AUTS2: variants seen among roughly 807,000 people sequenced by gnomAD.
AUTS2 encodes the protein autism susceptibility gene 2 protein.
A neutral mutation model predicts 112.4 loss-of-function variants in AUTS2; 17 were observed. That is an observed-to-expected ratio of 0.15 (90% confidence interval 0.10 to 0.23). The LOEUF (loss-of-function observed/expected upper bound fraction) is 0.23. Ranked by LOEUF, AUTS2 falls within the 10% of genes least tolerant of loss-of-function variation. The pLI is 1.00. For synonymous variants in AUTS2, 751 were observed against 702.7 expected (o/e 1.07, Z -1.09); for missense variants, 1,510 against 1,701.6 (o/e 0.89, Z 1.98).
chr7:70,779,739 C>A (rs1585678305), intron 14 of AUTS2, among the ~76,000 whole-genome samples: 1 of 152,120 alleles, frequency 6.6e-6, no homozygotes, highest in African/African-American at 2.4e-5. Flanking sequence ...TCCGGGAGAT[C>A]AGAAGAGTAG....
intron 4 of AUTS2, among the ~76,000 whole-genome samples, chr7:70,321,369 C>G (rs1347226443): frequency 6.6e-6 from 1 of 152,162 alleles, no homozygotes; most frequent in Non-Finnish European, 1.5e-5. Context: ...CTCTTTTTCC[C>G]TGAACATTTC....
intron 2 of AUTS2, 88 bp from the exon 3 acceptor site, chr7:70,118,044 G>C: frequency 7.0e-7 from 1 of 1,436,354 alleles, no homozygotes; most frequent in South Asian, 1.6e-5. Context: ...CACCGTGCCT[G>C]GCTGTTCACT....
In AUTS2 at chr7:69,729,338, T is replaced by A. The variant is rs528192044; in HGVS notation, c.309+129376T>A. Among the ~76,000 whole-genome samples, 3 of 152,078 alleles carry A rather than the reference T, an allele frequency of 2.0e-5. No individual in the cohort carries two copies. The East Asian group carries it at 5.8e-4, about 29-fold the overall frequency. ...ACACACACATTCTTTTAATAGCATTTTTTTTTTGTAGTGAGAGAAAACTTA... is the reference window on the plus strand; with the variant it reads ...ACACACACATTCTTTTAATAGCATTATTTTTTTGTAGTGAGAGAAAACTTA... On this transcript the variant is annotated intron_variant, in intron 1 of 18. Coordinates refer to ENST00000342771, the MANE Select transcript of AUTS2 (RefSeq NM_015570.4).
chr7:70,141,295 T>C (rs1289377705), intron 4 of AUTS2, among the ~76,000 whole-genome samples: 1 of 151,776 alleles, frequency 6.6e-6, no homozygotes, highest in Non-Finnish European at 1.5e-5. Flanking sequence ...GTCGGGTGAG[T>C]GGGGAAGAGA....
rs573986636 is a variant in AUTS2 at position 70,732,793 on chromosome 7, A to G, written c.743-30077A>G. Among the ~76,000 whole-genome samples the G allele has an allele frequency of 5.1e-4, 78 of 152,350 alleles. No individual in the cohort carries two copies. The South Asian group carries it at 0.016, about 31-fold the overall frequency. ...TGTATTACTTTTGCAAACAGGTGCA[A>G]AGTAAATTGGTAATCGTACTGAAGT... is the stretch of plus-strand genomic sequence containing the variant. On this transcript the variant is annotated intron_variant, in intron 6 of 18. Transcript: ENST00000342771.
At chr7:70,756,488 G>C (rs1789216084) in intron 6 of AUTS2, among the ~76,000 whole-genome samples, 1 of 152,088 alleles carries the variant, frequency 6.6e-6, no homozygotes, top group Non-Finnish European at 1.5e-5. Context: ...GAATGAAATA[G>C]ATACTTAATG....
intron 2 of AUTS2, among the ~76,000 whole-genome samples, chr7:69,966,884 T>C (rs1191729251): frequency 1.3e-5 from 2 of 152,156 alleles, no homozygotes; most frequent in Admixed American, 6.5e-5. Context: ...AAAAGAAATA[T>C]GTCTATAAAG....
intron 5 of AUTS2, among the ~76,000 whole-genome samples, chr7:70,458,403 A>G (rs188626514): frequency 7.9e-5 from 12 of 152,294 alleles, no homozygotes; most frequent in African/African-American, 2.9e-4. Context: ...GATTTTTAGC[A>G]TGGTCTCTCA....
intron 5 of AUTS2, among the ~76,000 whole-genome samples, chr7:70,495,923 C>T (rs1218402940): frequency 1.4e-5 from 2 of 140,876 alleles, no homozygotes; most frequent in Non-Finnish European, 3.1e-5. Context: ...ACACACACCA[C>T]GTACACAGTC....
At chr7:69,691,726 C>A (rs1797355511) in intron 1 of AUTS2, among the ~76,000 whole-genome samples, 1 of 152,004 alleles carries the variant, frequency 6.6e-6, no homozygotes, top group African/African-American at 2.4e-5. Context: ...AGGGCTCCCA[C>A]CCTGCTAACT....
intron 1 of AUTS2, among the ~76,000 whole-genome samples, chr7:69,798,343 C>T (rs1271837695): frequency 6.6e-6 from 1 of 152,140 alleles, no homozygotes; most frequent in African/African-American, 2.4e-5. Context: ...TGGGGCTCTC[C>T]TTGCGATTTG....
intron 6 of AUTS2, among the ~76,000 whole-genome samples, chr7:70,718,492 G>A (rs555543929): frequency 4.7e-4 from 72 of 152,156 alleles, no homozygotes; most frequent in African/African-American, 1.7e-3. Context: ...GCAAAACACC[G>A]TCTCTACAAA....
intron 5 of AUTS2, among the ~76,000 whole-genome samples, chr7:70,496,464 G>C (rs1798513558): frequency 1.2e-5 from 1 of 85,512 alleles, no homozygotes; most frequent in Admixed American, 1.4e-4. Flanking sequence ...CACGTACACA[G>C]TCACACACAC....
intron 5 of AUTS2, among the ~76,000 whole-genome samples, chr7:70,527,512 C>G (rs924370953): frequency 6.6e-6 from 1 of 152,104 alleles, no homozygotes; most frequent in Non-Finnish European, 1.5e-5. Context: ...GCATCTTTCT[C>G]TACCTGTGCC....
rs761556081 is a variant in AUTS2, at chr7:70,787,450, C to G, written c.2531+19C>G. 3 of 1,561,944 alleles carry G rather than the reference C, an allele frequency of 1.9e-6. No homozygotes were observed. The East Asian group carries it at 6.8e-5, about 35-fold the overall frequency. On this transcript the variant is annotated intron_variant, in intron 18 of 18. Coordinates refer to ENST00000342771, the MANE Select transcript of AUTS2 (RefSeq NM_015570.4). ...AAGAAAGGTACGGAAAGAAACCGCT[C>G]TCGAGTCCCCACGGGGGAGCCTGCT...
chr7:70,282,190 G>A (rs1189280149), intron 4 of AUTS2, among the ~76,000 whole-genome samples: 2 of 152,024 alleles, frequency 1.3e-5, no homozygotes, highest in Admixed American at 1.3e-4. Flanking sequence ...CTGTAAAATC[G>A]TAGGCCTTTT....
At position 70,129,179 on chromosome 7, in the gene AUTS2, A is replaced by G. The variant is rs568936067; in HGVS notation, c.625-5357A>G. 8.5e-5 allele frequency among the ~76,000 whole-genome samples: 13 copies of G among 152,310 alleles called. No individual in the cohort carries two copies. In the South Asian group the frequency reaches 2.7e-3, roughly 32 times the overall value. ...GCAAGCTAGAGACCCAAGAGAACCT[A>G]TAGTATAACTCTAGTCTCAAGGCTG... On this transcript the variant is annotated intron_variant, in intron 3 of 18. Coordinates refer to ENST00000342771, the MANE Select transcript of AUTS2 (RefSeq NM_015570.4).
intron 5 of AUTS2, among the ~76,000 whole-genome samples, chr7:70,476,991 G>GAAAA (rs1314347621): frequency 1.3e-5 from 2 of 152,162 alleles, no homozygotes; most frequent in Non-Finnish European, 2.9e-5. Flanking sequence ...GAGGATGCCA[G>GAAAA]GTCTTTTCTG....
chr7:70,669,532 G>C (rs1006568185), intron 5 of AUTS2, among the ~76,000 whole-genome samples: 1 of 152,174 alleles, frequency 6.6e-6, no homozygotes, highest in Non-Finnish European at 1.5e-5. Context: ...TTATAGGTGA[G>C]GGAACTGAGG....
Sources: gnomAD v4.1 joint callset for allele counts (sites outside exome capture counted in the v4.1 genomes callset) on GRCh38, gnomAD v4.1.1 for gene constraint, MANE v1.5 for transcripts, NCBI Gene and HGNC (gene_info 2026-07-23, HGNC 2026-07-21) for gene names.